The following COLEC12 variants were observed in gnomAD, a reference collection of about 807,000 sequenced individuals.
COLEC12 encodes the protein collectin-12.
In COLEC12, 33 loss-of-function variants were observed where a neutral mutation model predicts 71.1. That is an observed-to-expected ratio of 0.46 (90% CI 0.35 to 0.62). The LOEUF (loss-of-function observed/expected upper bound fraction) is 0.62, where lower values mean the gene tolerates loss of function less well. Ranked by LOEUF, COLEC12 falls within the 20% of genes least tolerant of loss-of-function variation. COLEC12 has a pLI of 0.00. For missense variants in COLEC12, 765 were observed against 916.1 expected (o/e 0.84, Z 2.13); for synonymous variants, 350 against 353.0 (o/e 0.99, Z 0.10).
intron 2 of COLEC12, among the ~76,000 whole-genome samples, chr18:403,981 TC>T (rs1915737567): frequency 6.6e-6 from 1 of 152,200 alleles, no homozygotes; most frequent in South Asian, 2.1e-4. Context: ...CCAAATGTAT[TC>T]CTGGTTGGTT....
intron 2 of COLEC12, among the ~76,000 whole-genome samples, chr18:441,132 C>G: frequency 7.2e-6 from 1 of 139,082 alleles, no homozygotes; most frequent in Non-Finnish European, 1.6e-5. Context: ...CCTGTAGTCC[C>G]AGCTGCTGGG....
chr18:479,548 T>TCA (rs1313138046), intron 2 of COLEC12, among the ~76,000 whole-genome samples: 36 of 129,950 alleles, frequency 2.8e-4, no homozygotes, highest in South Asian at 2.3e-3. Context: ...TCTCTCTCTC[T>TCA]CTCACACACA....
chr18:334,627 CAAAACA>C (rs1192306923), intron 6 of COLEC12, 109 bp downstream of exon 6: 11 of 1,011,972 alleles, frequency 1.1e-5, no homozygotes, highest in Admixed American at 3.7e-5. Flanking sequence ...GACCCTGTCT[CAAAACA>C]AAAACAAAAA....
At chr18:375,554 T>C (rs958744568) in intron 2 of COLEC12, among the ~76,000 whole-genome samples, 1 of 152,174 alleles carries the variant, frequency 6.6e-6, no homozygotes, top group African/African-American at 2.4e-5. Context: ...TGGCTATTCC[T>C]AGGTGCACTC....
intron 2 of COLEC12, among the ~76,000 whole-genome samples, chr18:418,417 C>G (rs1916030610): frequency 6.6e-6 from 1 of 152,178 alleles, no homozygotes; most frequent in South Asian, 2.1e-4. Context: ...TACAAACTAA[C>G]TCAATCCTGG....
At chr18:495,537 G>C (rs1439136489) in intron 1 of COLEC12, among the ~76,000 whole-genome samples, 3 of 152,194 alleles carry the variant, frequency 2.0e-5, no homozygotes, top group Non-Finnish European at 4.4e-5. Context: ...AGCTACACAG[G>C]GAAGCAATCC....
intron 1 of COLEC12, among the ~76,000 whole-genome samples, chr18:490,572 C>T (rs1022743172): frequency 6.6e-6 from 1 of 152,164 alleles, no homozygotes; most frequent in South Asian, 2.1e-4. Context: ...ACATCTCTAA[C>T]TTTGATAAGA....
chr18:352,573 G>A (rs528396621), intron 3 of COLEC12, among the ~76,000 whole-genome samples: 1 of 152,242 alleles, frequency 6.6e-6, no homozygotes, highest in South Asian at 2.1e-4. Context: ...TATTTTCCCT[G>A]CCCACAAGTG....
Position 480,810 on chromosome 18 carries a change from G to C in COLEC12, c.8-53C>G, listed in dbSNP as rs1024201460. The C allele has an allele frequency of 6.6e-7, 1 of 1,516,144 alleles. No individual in the cohort carries two copies. The highest frequency in any genetic ancestry group is 1.7e-5 in the Admixed American group (1 of 59,916). The allele number at this position is 1,516,144 out of a possible 1,614,324, so 93.9% of individuals were successfully genotyped here. A position where few individuals can be genotyped will look rare whatever the true frequency, so the allele number is the denominator to read the frequency against. On this transcript the variant is annotated intron_variant, in intron 1 of 9. Transcript: ENST00000400256. The surrounding 1 kb of genome is among the most constrained non-coding windows in gnomAD (Gnocchi z 4.1). Reference sequence around the variant, plus strand: ...AATCCTGGCAAGGGGCACAGAAGCAGAGGGTGGGGCAGGATGCGACCTGCT... The same window carrying C: ...AATCCTGGCAAGGGGCACAGAAGCACAGGGTGGGGCAGGATGCGACCTGCT...
chr18:344,260 C>T (rs1486326183), intron 5 of COLEC12, among the ~76,000 whole-genome samples: 1 of 152,176 alleles, frequency 6.6e-6, no homozygotes, highest in Non-Finnish European at 1.5e-5. Context: ...ATATTTTCAG[C>T]TAATACCCAT....
intron 5 of COLEC12, among the ~76,000 whole-genome samples, chr18:344,604 T>C (rs1914331699): frequency 6.6e-6 from 1 of 152,210 alleles, no homozygotes; most frequent in Non-Finnish European, 1.5e-5. Context: ...TTACTTCCCT[T>C]TTTCTTAACA....
At chr18:389,061 G>T (rs1217297364) in intron 2 of COLEC12, among the ~76,000 whole-genome samples, 1 of 152,116 alleles carries the variant, frequency 6.6e-6, no homozygotes, top group Admixed American at 6.5e-5. Context: ...CAATGGAAAA[G>T]ATGAGCTTGT....
intron 2 of COLEC12, among the ~76,000 whole-genome samples, chr18:396,757 G>A (rs1380950367): frequency 6.6e-6 from 1 of 152,212 alleles, no homozygotes; most frequent in Non-Finnish European, 1.5e-5. Flanking sequence ...AGAGCTCATA[G>A]GCCTTTTCTT....
At chr18:448,267 G>C (rs1916691851) in intron 2 of COLEC12, among the ~76,000 whole-genome samples, 1 of 152,218 alleles carries the variant, frequency 6.6e-6, no homozygotes, top group African/African-American at 2.4e-5. Context: ...GGGTTGAATA[G>C]ATAAAACATG....
chr18:437,762 G>A (rs959174886), intron 2 of COLEC12, among the ~76,000 whole-genome samples: 4 of 152,164 alleles, frequency 2.6e-5, no homozygotes, highest in Admixed American at 2.0e-4. Context: ...AATAGGTTGC[G>A]TTAAGTGAGC....
Position 326,497 on chromosome 18 carries a change from G to A in COLEC12, c.2064-4690C>T, listed in dbSNP as rs1430293320. Among the ~76,000 whole-genome samples the A allele has an allele frequency of 4.6e-5, 7 of 152,068 alleles. No homozygotes were observed. The East Asian group carries it at 9.6e-4, about 21-fold the overall frequency. On this transcript the variant is annotated intron_variant, in intron 8 of 9. Coordinates refer to ENST00000400256, the MANE Select transcript of COLEC12 (RefSeq NM_130386.3). Reference sequence around the variant, plus strand: ...CGAGTAGCTGGGATTACAGGCATCCGCCACCACACCTGGCTAATGTCTTTT... The same window carrying A: ...CGAGTAGCTGGGATTACAGGCATCCACCACCACACCTGGCTAATGTCTTTT...
Position 348,192 on chromosome 18 carries a change from T to C in COLEC12, c.182-29A>G, listed in dbSNP as rs1261881601. ...AGATTTGGAAAATGATGCATTAGTA[T>C]ACATATCTGCTCATATTTTATTTTT... On this transcript the variant is annotated intron_variant, in intron 3 of 9. Transcript: ENST00000400256. The C allele has an allele frequency of 1.2e-5, 16 of 1,292,064 alleles. 1 individual carries two copies. The highest frequency in any genetic ancestry group is 7.2e-5 in the South Asian group (6 of 83,542). 80.0% of individuals were successfully genotyped at this position (1,292,064 alleles called of 1,614,324 possible).
At chr18:462,218 G>A (rs1439347891) in intron 2 of COLEC12, among the ~76,000 whole-genome samples, 1 of 152,106 alleles carries the variant, frequency 6.6e-6, no homozygotes, top group African/African-American at 2.4e-5. Flanking sequence ...AAAAACACAA[G>A]CCCACACAAA....
At chr18:353,573 A>G (rs1914567855) in intron 3 of COLEC12, among the ~76,000 whole-genome samples, 1 of 152,208 alleles carries the variant, frequency 6.6e-6, no homozygotes, top group Non-Finnish European at 1.5e-5. Context: ...AGTTAACATC[A>G]CCAGACATTT....
Sources: allele counts gnomAD v4.1 joint callset (sites outside exome capture counted in the v4.1 genomes callset), GRCh38; gene constraint gnomAD v4.1.1; non-coding constraint Gnocchi (gnomAD v3.1); transcripts MANE v1.5; gene names NCBI Gene and HGNC (gene_info 2026-07-23, HGNC 2026-07-21).